PPARGC1A: variants seen among roughly 807,000 people sequenced by gnomAD.
PPARGC1A encodes the protein PPARG coactivator 1 alpha, also known as peroxisome proliferator-activated receptor gamma coactivator 1-alpha.
In PPARGC1A, 25 loss-of-function variants were observed where a neutral mutation model predicts 88.7. The observed-to-expected ratio is 0.28, with a 90% CI of 0.21 to 0.39. PPARGC1A has a LOEUF of 0.39. PPARGC1A is among the 10% of genes least tolerant of loss of function. The pLI, the probability that PPARGC1A is intolerant of heterozygous loss-of-function variation, is 1.00. For synonymous variants in PPARGC1A, 363 were observed against 355.6 expected (o/e 1.02, Z -0.24); for missense variants, 880 against 968.7 (o/e 0.91, Z 1.22).
the PPARGC1A span, among the ~76,000 whole-genome samples, chr4:24,098,989 C>G: frequency 3.9e-5 from 6 of 152,122 alleles, no homozygotes; most frequent in African/African-American, 1.4e-4. Flanking sequence ...CTAATACTGG[C>G]CTTTCCAGTA....
At chr4:24,155,565 C>T in the PPARGC1A span, among the ~76,000 whole-genome samples, 10 of 149,898 alleles carry the variant, frequency 6.7e-5, no homozygotes, top group Non-Finnish European at 1.5e-4. Context: ...CTCACCACTG[C>T]ACTCCAGCCT....
At chr4:24,442,451 T>C in the PPARGC1A span, among the ~76,000 whole-genome samples, 1 of 152,142 alleles carries the variant, frequency 6.6e-6, no homozygotes, top group Admixed American at 6.5e-5. Context: ...GCATGCAAAA[T>C]GAAGTTCAAA....
the PPARGC1A span, among the ~76,000 whole-genome samples, chr4:24,012,559 G>A: frequency 1.3e-5 from 2 of 151,964 alleles, no homozygotes. Context: ...CTGAGGCCCT[G>A]CTTCATAACA....
At chr4:24,162,189 T>C in the PPARGC1A span, among the ~76,000 whole-genome samples, 3 of 152,064 alleles carry the variant, frequency 2.0e-5, no homozygotes, top group East Asian at 5.8e-4. Context: ...CTAAGAATGA[T>C]ACAATGGACT....
chr4:24,470,211 C>T, the PPARGC1A span, among the ~76,000 whole-genome samples: 1 of 150,826 alleles, frequency 6.6e-6, no homozygotes, highest in Admixed American at 6.6e-5. This position sits in a 1 kb window ranked among gnomAD's most constrained non-coding sequence, Gnocchi z 5.8. Context: ...GTGGTTCAAG[C>T]CTTTCGTACC....
At chr4:23,992,237 T>C in the PPARGC1A span, among the ~76,000 whole-genome samples, 8 of 151,738 alleles carry the variant, frequency 5.3e-5, no homozygotes, top group East Asian at 1.9e-4. Flanking sequence ...CCAGGTTGTA[T>C]TGCAGTTGAT....
the PPARGC1A span, among the ~76,000 whole-genome samples, chr4:23,921,045 ACC>A: frequency 6.6e-6 from 1 of 150,844 alleles, no homozygotes; most frequent in African/African-American, 2.4e-5. Flanking sequence ...CTCCCGTGCC[ACC>A]CCCCACCCAC....
the PPARGC1A span, among the ~76,000 whole-genome samples, chr4:24,032,822 G>T: frequency 6.6e-6 from 1 of 152,178 alleles, no homozygotes; most frequent in African/African-American, 2.4e-5. Context: ...TATCCTCTGA[G>T]CCCAGCACAG....
At chr4:23,973,725 C>T in the PPARGC1A span, among the ~76,000 whole-genome samples, 1 of 151,838 alleles carries the variant, frequency 6.6e-6, no homozygotes, top group Non-Finnish European at 1.5e-5. Context: ...TTAAAGTGTT[C>T]CTAATTGAAT....
chr4:23,887,946 C>T (rs547217822), intron 1 of PPARGC1A, among the ~76,000 whole-genome samples: 4 of 152,104 alleles, frequency 2.6e-5, no homozygotes, highest in Non-Finnish European at 5.9e-5. Context: ...TGTATATCAC[C>T]TTCATTAAAC....
At chr4:23,924,477 T>G in the PPARGC1A span, among the ~76,000 whole-genome samples, 4 of 151,930 alleles carry the variant, frequency 2.6e-5, no homozygotes, top group African/African-American at 9.7e-5. Flanking sequence ...AATACAAAAA[T>G]TAGCTGGGCA....
chr4:24,125,849 C>T, the PPARGC1A span, among the ~76,000 whole-genome samples: 1 of 152,176 alleles, frequency 6.6e-6, no homozygotes, highest in African/African-American at 2.4e-5. Flanking sequence ...CTGCCCTGCC[C>T]ACCTCCCAAG....
At chr4:23,859,390 C>T (rs1342813539) in intron 2 of PPARGC1A, among the ~76,000 whole-genome samples, 1 of 152,102 alleles carries the variant, frequency 6.6e-6, no homozygotes. Flanking sequence ...GGTACAGGTA[C>T]ATTTAGGGTC....
At chr4:23,942,225 G>T in the PPARGC1A span, among the ~76,000 whole-genome samples, 1 of 152,296 alleles carries the variant, frequency 6.6e-6, no homozygotes, top group East Asian at 1.9e-4. Context: ...CCTCTAAGCA[G>T]GGAGTAATAC....
chr4:24,362,503 G>T, the PPARGC1A span, among the ~76,000 whole-genome samples: 26,426 of 152,098 alleles, frequency 0.17, 2,387 homozygotes, highest in Middle Eastern at 0.25. Flanking sequence ...AGTAGGTGCA[G>T]GTGGCATCAA....
chr4:24,446,591 ATTTTTTTTT>A, the PPARGC1A span, among the ~76,000 whole-genome samples: 1 of 134,884 alleles, frequency 7.4e-6, no homozygotes, highest in Admixed American at 7.7e-5. Flanking sequence ...AAAACACTGA[ATTTTTTTTT>A]TTTTTTTTTT....
chr4:23,990,019 T>C, the PPARGC1A span, among the ~76,000 whole-genome samples: 1 of 141,674 alleles, frequency 7.1e-6, no homozygotes, highest in African/African-American at 2.8e-5. Flanking sequence ...ATCTTATATA[T>C]AGATATGTAT....
rs373369140 is a variant in PPARGC1A at position 23,829,417 on chromosome 4, A to G, written c.552+46T>C. The G allele has an allele frequency of 3.5e-5, 56 of 1,598,824 alleles. No homozygotes were observed. The African/African-American group carries it at 7.1e-4, about 20-fold the overall frequency. On this transcript the variant is annotated intron_variant, in intron 4 of 12. Coordinates refer to ENST00000264867, the MANE Select transcript of PPARGC1A (RefSeq NM_013261.5). ...TATTTGTTTTACTGCTTCAAGCCAA[A>G]ATCCTTTGGTACATCCCCCCTGTAT... is the stretch of plus-strand genomic sequence containing the variant.
chr4:24,185,858 T>C, the PPARGC1A span, among the ~76,000 whole-genome samples: 1 of 138,012 alleles, frequency 7.2e-6, no homozygotes, highest in Non-Finnish European at 1.5e-5. Context: ...TGTATACATA[T>C]GTAACTAACC....
Sources: allele counts gnomAD v4.1 joint callset (sites outside exome capture counted in the v4.1 genomes callset), GRCh38; gene constraint gnomAD v4.1.1; non-coding constraint Gnocchi (gnomAD v3.1); transcripts MANE v1.5; gene names NCBI Gene and HGNC (gene_info 2026-07-23, HGNC 2026-07-21).